PDXDC1: variants seen among roughly 807,000 people sequenced by gnomAD.
PDXDC1 encodes the protein pyridoxal-dependent decarboxylase domain-containing protein 1.
In PDXDC1, 42 loss-of-function variants were observed where a neutral mutation model predicts 100.1. The ratio of observed to expected loss-of-function variants is 0.42; its 90% CI spans 0.33 to 0.54. The LOEUF (loss-of-function observed/expected upper bound fraction) is 0.54, where lower values mean the gene tolerates loss of function less well. Ranked by LOEUF, PDXDC1 falls within the 20% of genes least tolerant of loss-of-function variation. The pLI is 0.10. For synonymous variants in PDXDC1, 260 were observed against 371.7 expected, an observed-to-expected ratio of 0.70 and a Z score of 3.46; for missense variants, 636 against 979.2, an observed-to-expected ratio of 0.65 and a Z score of 4.68.
chr16:15,130,943 C>G, intron 16 of PDXDC1: 2 of 722,792 alleles, frequency 2.8e-6, no homozygotes, highest in South Asian at 1.6e-5. Flanking sequence ...TCCGTGGCCC[C>G]CAGCTCCTCT....
intron 16 of PDXDC1, chr16:15,093,942 A>G (rs2046243477): frequency 3.3e-6 from 2 of 601,438 alleles, no homozygotes; most frequent in Non-Finnish European, 5.9e-6. Flanking sequence ...AGAACAGAGA[A>G]CATAGTCACT....
At chr16:15,125,939 T>C (rs2047694196) in intron 16 of PDXDC1, 2 of 632,134 alleles carry the variant, frequency 3.2e-6, no homozygotes, top group African/African-American at 1.8e-5. Flanking sequence ...GCTGGATATA[T>C]GGGACATCTG....
intron 16 of PDXDC1, among the ~76,000 whole-genome samples, chr16:15,111,768 A>AG (rs1231905681): frequency 6.7e-6 from 1 of 148,190 alleles, no homozygotes; most frequent in Non-Finnish European, 1.5e-5. Flanking sequence ...AAAAAAAAAA[A>AG]AAAAAAAAAA....
chr16:15,088,839 G>A (rs1231266775), intron 16 of PDXDC1, among the ~76,000 whole-genome samples: 5 of 152,116 alleles, frequency 3.3e-5, no homozygotes, highest in Non-Finnish European at 7.4e-5. Flanking sequence ...AACCAGATCT[G>A]TAACTAGAGA....
At chr16:15,028,066 C>T (rs1249155439) in intron 14 of PDXDC1, among the ~76,000 whole-genome samples, 4 of 152,280 alleles carry the variant, frequency 2.6e-5, no homozygotes, top group African/African-American at 9.6e-5. Context: ...CCATTTCGGT[C>T]GAACAAAGGC....
chr16:15,031,388 A>G (rs2043057536), intron 16 of PDXDC1, among the ~76,000 whole-genome samples: 1 of 152,130 alleles, frequency 6.6e-6, no homozygotes, highest in Non-Finnish European at 1.5e-5. Context: ...AGTCATAGGA[A>G]TGTACAGAAT....
chr16:15,079,062 G>A (rs951177877), intron 16 of PDXDC1, among the ~76,000 whole-genome samples: 44 of 151,888 alleles, frequency 2.9e-4, no homozygotes, highest in South Asian at 6.3e-4. Context: ...CGCCCGCCTC[G>A]GCCTCCCAAA....
rs1004242367 is a variant in PDXDC1 at position 15,075,584 on chromosome 16, GAAAGA to G, written c.1399+45536_1399+45540del. On this transcript the variant is annotated intron_variant, in intron 16 of 16. Coordinates refer to the PDXDC1 transcript ENST00000535621. ...TGAGACCCTGTCTCAAATTAAAAAA[GAAAGA>G]AAAGAAAGAAAGAAATGCAGACACC... is the stretch of plus-strand genomic sequence containing the variant. 2.5e-3 allele frequency among the ~76,000 whole-genome samples: 204 copies of G among 81,966 alleles called. 1 individual carries two copies. The highest frequency in any genetic ancestry group is 4.8e-3 in the Non-Finnish European group (138 of 29,028). The allele number at this position is 81,966 out of a possible 152,430, so 53.8% of individuals were successfully genotyped here.
At chr16:14,978,745 T>C (rs1428286267) in intron 1 of PDXDC1, among the ~76,000 whole-genome samples, 1 of 152,294 alleles carries the variant, frequency 6.6e-6, no homozygotes, top group Non-Finnish European at 1.5e-5. Flanking sequence ...TTTCTGTTGG[T>C]TAAAAGATCT....
At chr16:15,012,673 C>T (rs970009419) in intron 8 of PDXDC1, among the ~76,000 whole-genome samples, 5 of 152,228 alleles carry the variant, frequency 3.3e-5, no homozygotes, top group Admixed American at 6.5e-5. Flanking sequence ...GGCGAAACCC[C>T]TAGGAAATCT....
downstream of PDXDC1, among the ~76,000 whole-genome samples, chr16:15,140,480 A>C: frequency 1.3e-5 from 2 of 150,520 alleles, no homozygotes. Context: ...AAAAGGACGG[A>C]GGGCGAGAGG....
At chr16:15,032,306 A>G (rs945811134) in intron 17 of PDXDC1, 1 of 198,858 alleles carries the variant, frequency 5.0e-6, no homozygotes, top group Non-Finnish European at 1.0e-5. Context: ...AGGTGAGGCA[A>G]ACCTCTTTTT....
chr16:15,032,037 C>A, intron 17 of PDXDC1, 131 bp downstream of exon 17: 1 of 816,404 alleles, frequency 1.2e-6, no homozygotes, highest in Non-Finnish European at 1.9e-6. Context: ...AAATGCAACT[C>A]GGTTTTCTGG....
At chr16:15,026,871 T>C (rs2042642210) in intron 14 of PDXDC1, among the ~76,000 whole-genome samples, 165 bp downstream of exon 14, 1 of 152,304 alleles carries the variant, frequency 6.6e-6, no homozygotes, top group African/African-American at 2.4e-5. Flanking sequence ...CCGAAACGCC[T>C]TAGCAATTTG....
At chr16:14,976,020 G>T (rs1291833504) in intron 1 of PDXDC1, among the ~76,000 whole-genome samples, 1 of 152,302 alleles carries the variant, frequency 6.6e-6, no homozygotes, top group Non-Finnish European at 1.5e-5. Context: ...CCTACCTCTG[G>T]TTTCCCCTTG....
At chr16:14,990,188 G>T (rs71374762) in intron 1 of PDXDC1, 2 of 1,186,808 alleles carry the variant, frequency 1.7e-6, no homozygotes, top group Admixed American at 9.3e-5. Flanking sequence ...GCAAGGGCGC[G>T]AGGGCGGCCG....
intron 16 of PDXDC1, chr16:15,068,075 T>C: frequency 2.1e-6 from 3 of 1,414,630 alleles, no homozygotes; most frequent in Admixed American, 2.1e-5. Context: ...ATAATGTTAC[T>C]AATTTCATAG....
intron 16 of PDXDC1, among the ~76,000 whole-genome samples, chr16:15,084,867 A>C (rs1391100640): frequency 6.6e-6 from 1 of 152,182 alleles, no homozygotes; most frequent in Non-Finnish European, 1.5e-5. Context: ...GGAGTTCGAG[A>C]CCAGCCTGAC....
At chr16:15,014,355 A>C (rs1412723685) in intron 8 of PDXDC1, among the ~76,000 whole-genome samples, 1 of 152,288 alleles carries the variant, frequency 6.6e-6, no homozygotes, top group Non-Finnish European at 1.5e-5. Context: ...TGCAGTTTGC[A>C]TGTGACTGAG....
Sources: gnomAD v4.1 joint callset for allele counts (sites outside exome capture counted in the v4.1 genomes callset) on GRCh38, gnomAD v4.1.1 for gene constraint, MANE v1.5 for transcripts, NCBI Gene and HGNC (gene_info 2026-07-23, HGNC 2026-07-21) for gene names.